Variants in NALF1 observed in about 807,000 individuals in gnomAD.
NALF1 encodes the protein family with sequence similarity 155 member A.
A neutral mutation model predicts 48.4 loss-of-function variants in NALF1; 3 were observed. That is an observed-to-expected ratio of 0.06 (90% CI 0.03 to 0.16). The LOEUF is 0.16. Ranked by LOEUF, NALF1 falls within the 10% of genes least tolerant of loss-of-function variation. The probability of loss-of-function intolerance (pLI) is 1.00; values close to 1 mark genes in which losing one functional copy is unlikely to be tolerated. For missense variants in NALF1, 526 were observed against 571.5 expected (o/e 0.92, Z 0.81); for synonymous variants, 262 against 245.7 (o/e 1.07, Z -0.62).
intron 1 of NALF1, among the ~76,000 whole-genome samples, chr13:107,444,499 AAG>A (rs1452210689): frequency 1.4e-5 from 2 of 143,704 alleles, no homozygotes; most frequent in Admixed American, 6.7e-5. Context: ...TTCTATAAAT[AAG>A]AGAGTTGGAA....
chr13:107,830,246 A>G (rs16971247), intron 1 of NALF1, among the ~76,000 whole-genome samples: 8,338 of 152,262 alleles, frequency 0.055, 514 homozygotes, highest in East Asian at 0.31. Context: ...CCAAAGGCCA[A>G]TCACCACTGT....
chr13:107,573,423 G>A (rs1344781840), intron 1 of NALF1, among the ~76,000 whole-genome samples: 2 of 151,820 alleles, frequency 1.3e-5, no homozygotes, highest in Non-Finnish European at 2.9e-5. Context: ...TTGATGACTG[G>A]GGCAAATACC....
At chr13:107,336,087 C>A (rs1383038728) in intron 1 of NALF1, among the ~76,000 whole-genome samples, 1 of 152,090 alleles carries the variant, frequency 6.6e-6, no homozygotes, top group Non-Finnish European at 1.5e-5. Flanking sequence ...CATGGCGGCT[C>A]ACACCTGTAA....
chr13:107,433,325 G>A (rs1594060399), intron 1 of NALF1, among the ~76,000 whole-genome samples: 1 of 152,106 alleles, frequency 6.6e-6, no homozygotes, highest in East Asian at 1.9e-4. Context: ...ACTGTCTATG[G>A]TTAGAATAAA....
chr13:107,561,654 T>C (rs1328035644), intron 1 of NALF1, among the ~76,000 whole-genome samples: 1 of 152,128 alleles, frequency 6.6e-6, no homozygotes, highest in African/African-American at 2.4e-5. Context: ...TCCCTGCCAA[T>C]CTTTTTAGTT....
At chr13:107,757,236 C>T (rs1877126879) in intron 1 of NALF1, among the ~76,000 whole-genome samples, 2 of 152,052 alleles carry the variant, frequency 1.3e-5, no homozygotes, top group Admixed American at 1.3e-4. Flanking sequence ...AGGTCAACTC[C>T]ATATTAACAT....
chr13:107,809,215 T>C (rs1224339793), intron 1 of NALF1, among the ~76,000 whole-genome samples: 3 of 151,994 alleles, frequency 2.0e-5, no homozygotes, highest in African/African-American at 4.8e-5. Context: ...TCACTTCTCA[T>C]ACTGCGGTTA....
intron 1 of NALF1, among the ~76,000 whole-genome samples, chr13:107,293,609 T>C (rs1171296272): frequency 2.6e-5 from 4 of 152,220 alleles, no homozygotes; most frequent in African/African-American, 7.2e-5. Context: ...GTCATCCTCA[T>C]TGTAATGGTC....
At chr13:107,703,156 C>G (rs1318554707) in intron 1 of NALF1, among the ~76,000 whole-genome samples, 2 of 152,140 alleles carry the variant, frequency 1.3e-5, no homozygotes, top group East Asian at 3.8e-4. Context: ...AACCCTGTCA[C>G]TCTTCTTATT....
Position 107,438,827 on chromosome 13 carries a change from C to CAAAAAAAAAAAAA in NALF1, c.916-228085_916-228073dup, listed in dbSNP as rs61686895. ...TGGATGACAGAGTGAGACTCCATCT[C>CAAAAAAAAAAAAA]AAAAAAAAAAAAAAAAAAAAAAAAG... On this transcript the variant is annotated intron_variant, in intron 1 of 2. Coordinates refer to ENST00000375915, the MANE Select transcript of NALF1 (RefSeq NM_001080396.3). 7.8e-3 allele frequency among the ~76,000 whole-genome samples: 140 copies of CAAAAAAAAAAAAA among 17,880 alleles called. 8 individuals are homozygous for CAAAAAAAAAAAAA. Among genetic ancestry groups the CAAAAAAAAAAAAA allele is most frequent in the Admixed American group, 0.01 (10 of 956 alleles). 11.7% of individuals were successfully genotyped at this position (17,880 alleles called of 152,430 possible). A position where few individuals can be genotyped will look rare whatever the true frequency, so the allele number is the denominator to read the frequency against.
chr13:107,696,466 T>C (rs1279268291), intron 1 of NALF1, among the ~76,000 whole-genome samples: 1 of 152,068 alleles, frequency 6.6e-6, no homozygotes, highest in East Asian at 1.9e-4. Context: ...TTTAAGGACT[T>C]GGGAGTCAGA....
At chr13:107,570,939 T>A (rs774674662) in intron 1 of NALF1, among the ~76,000 whole-genome samples, 2 of 152,170 alleles carry the variant, frequency 1.3e-5, no homozygotes, top group Non-Finnish European at 2.9e-5. Context: ...ATAAAGAATC[T>A]TAGGATTCTT....
intron 1 of NALF1, among the ~76,000 whole-genome samples, chr13:107,778,171 G>C (rs766647692): frequency 4.6e-5 from 7 of 152,180 alleles, no homozygotes; most frequent in Non-Finnish European, 4.4e-5. Flanking sequence ...TGAACAGAGA[G>C]ACTGGGCTGC....
At chr13:107,800,736 AAT>A (rs1434166643) in intron 1 of NALF1, among the ~76,000 whole-genome samples, 1 of 147,764 alleles carries the variant, frequency 6.8e-6, no homozygotes, top group Non-Finnish European at 1.5e-5. Context: ...ATAATTATAT[AAT>A]ATATGATATA....
intron 1 of NALF1, among the ~76,000 whole-genome samples, chr13:107,533,067 T>A (rs1384166725): frequency 6.6e-6 from 1 of 152,150 alleles, no homozygotes; most frequent in Admixed American, 6.6e-5. Context: ...CCTCTCTTTT[T>A]GACTTAAACT....
intron 1 of NALF1, among the ~76,000 whole-genome samples, chr13:107,695,186 T>C (rs993414443): frequency 3.3e-5 from 5 of 152,136 alleles, no homozygotes; most frequent in African/African-American, 1.2e-4. Flanking sequence ...TCAGATATGA[T>C]ATAGAACCTA....
chr13:107,522,234 T>C (rs940818797), intron 1 of NALF1, among the ~76,000 whole-genome samples: 6 of 152,170 alleles, frequency 3.9e-5, no homozygotes, highest in African/African-American at 1.4e-4. Flanking sequence ...TGGATATTTT[T>C]CTCGTATTTC....
At chr13:107,685,979 A>G (rs1461251134) in intron 1 of NALF1, among the ~76,000 whole-genome samples, 2 of 152,242 alleles carry the variant, frequency 1.3e-5, no homozygotes, top group Non-Finnish European at 2.9e-5. Flanking sequence ...TAAGCTACAA[A>G]TATCATTTAC....
rs544411188 is a variant in NALF1 at position 107,811,406 on chromosome 13, G to GC, written c.915+54275dup. 2.9e-3 allele frequency among the ~76,000 whole-genome samples: 445 copies of GC among 152,174 alleles called. 1 individual carries two copies. Among genetic ancestry groups the GC allele is most frequent in the Non-Finnish European group, 3.8e-3 (259 of 68,002 alleles). ...AATGTTTCTTTGACTCTGATTATGT[G>GC]CCTTTTAATCTCCAATGTGCCTTTT... On this transcript the variant is annotated intron_variant, in intron 1 of 2. Transcript: ENST00000375915.
Sources: allele counts gnomAD v4.1 joint callset (sites outside exome capture counted in the v4.1 genomes callset), GRCh38; gene constraint gnomAD v4.1.1; transcripts MANE v1.5; gene names NCBI Gene and HGNC (gene_info 2026-07-23, HGNC 2026-07-21).